ABCC3: variants seen among roughly 807,000 people sequenced by gnomAD.
ABCC3 encodes ATP binding cassette subfamily C member 3.
A neutral mutation model predicts 165.3 loss-of-function variants in ABCC3; 121 were observed. The ratio of observed to expected loss-of-function variants is 0.73; its 90% CI spans 0.63 to 0.85. ABCC3 has a LOEUF of 0.85. ABCC3 is among the 40% of genes least tolerant of loss of function. The pLI, the probability that ABCC3 is intolerant of heterozygous loss-of-function variation, is 0.00. For synonymous variants in ABCC3, 733 were observed against 810.1 expected, an observed-to-expected ratio of 0.90 and a Z score of 1.62; for missense variants, 1,869 against 1,964.1, an observed-to-expected ratio of 0.95 and a Z score of 0.92.
chr17:50,679,595 G>T, intron 25 of ABCC3: 1 of 512,286 alleles, frequency 2.0e-6, no homozygotes, highest in Non-Finnish European at 3.6e-6. Flanking sequence ...CCTTGGTTAA[G>T]TCTGCACTGT....
intron 1 of ABCC3, among the ~76,000 whole-genome samples, chr17:50,643,845 A>AG (rs1433066369): frequency 1.4e-5 from 2 of 146,256 alleles, no homozygotes; most frequent in African/African-American, 5.3e-5. Flanking sequence ...AGGAGATGCC[A>AG]TGGGGGGGGT....
chr17:50,650,399 A>C (rs1967093104), intron 1 of ABCC3, among the ~76,000 whole-genome samples: 1 of 152,158 alleles, frequency 6.6e-6, no homozygotes, highest in South Asian at 2.1e-4. Flanking sequence ...GAGCCACTGC[A>C]CCCGGTCGCT....
intron 6 of ABCC3, 117 bp from the exon 7 acceptor site, chr17:50,659,120 C>A: frequency 1.6e-6 from 2 of 1,280,818 alleles, no homozygotes; most frequent in Non-Finnish European, 2.2e-6. Flanking sequence ...GTCACAGTGC[C>A]CGAGGGAGAC....
intron 11 of ABCC3, among the ~76,000 whole-genome samples, chr17:50,666,675 T>A (rs780808885): frequency 7.2e-5 from 11 of 152,236 alleles, no homozygotes; most frequent in Non-Finnish European, 1.5e-4. Flanking sequence ...AGCTGTATCA[T>A]GGCAGGGGCC....
intron 25 of ABCC3, chr17:50,679,165 C>T (rs1170884975): frequency 6.6e-6 from 1 of 152,236 alleles, no homozygotes; most frequent in Non-Finnish European, 1.5e-5. Context: ...CATCCTGATG[C>T]CAGCTTGTAC....
intron 30 of ABCC3, among the ~76,000 whole-genome samples, 163 bp downstream of exon 30, chr17:50,687,893 C>CA (rs1261916942): frequency 6.6e-6 from 1 of 151,956 alleles, no homozygotes; most frequent in Non-Finnish European, 1.5e-5. Context: ...AGGGGCAGAC[C>CA]AGAGTGGGGT....
Position 50,668,415 on chromosome 17 carries a change from C to G in ABCC3, c.1783-15C>G. 1 of 1,611,252 alleles carries G rather than the reference C, an allele frequency of 6.2e-7. No individual in the cohort carries two copies. The highest frequency in any genetic ancestry group is 8.5e-7 in the Non-Finnish European group (1 of 1,177,608). On this transcript the variant is annotated splice_polypyrimidine_tract_variant and intron_variant, in intron 13 of 30. Transcript: ENST00000285238. ...GAAAGTACAGTCTCTAGGGCTGACT[C>G]ACATCCTCCCGTAGGCCAGTGTGTC...
At chr17:50,645,396 AAAAG>A (rs1180820834) in intron 1 of ABCC3, among the ~76,000 whole-genome samples, 13 of 150,652 alleles carry the variant, frequency 8.6e-5, no homozygotes, top group Non-Finnish European at 1.6e-4. Context: ...AAAAAAAAAA[AAAAG>A]ATGGGAGAAC....
At chr17:50,668,734 T>A (rs887853395) in intron 14 of ABCC3, 119 bp from the exon 15 acceptor site, 1 of 875,076 alleles carries the variant, frequency 1.1e-6, no homozygotes, top group Non-Finnish European at 1.9e-6. Flanking sequence ...TTCCCAAGGA[T>A]CCCCTCCCCA....
At chr17:50,673,992 C>CTT (rs1967734222) in intron 19 of ABCC3, among the ~76,000 whole-genome samples, 1 of 13,484 alleles carries the variant, frequency 7.4e-5, no homozygotes, top group Non-Finnish European at 1.3e-4. Context: ...CTCTCTCTCT[C>CTT]TCTCTCTCTC....
chr17:50,688,334 A>G (rs899560156), intron 30 of ABCC3: 1 of 152,480 alleles, frequency 6.6e-6, no homozygotes, highest in African/African-American at 2.4e-5. Context: ...TGGAGGCTTC[A>G]TGCTGAGTCC....
At chr17:50,682,096 G>A (rs189889479) in intron 26 of ABCC3, among the ~76,000 whole-genome samples, 369 of 152,192 alleles carry the variant, frequency 2.4e-3, no homozygotes, top group African/African-American at 8.5e-3. Flanking sequence ...CTCTGGCCGC[G>A]TGGTTTCTCC....
Position 50,634,927 on chromosome 17 carries a change from C to A in ABCC3, c.-10C>A. On this transcript the variant is annotated 5_prime_UTR_variant, in exon 1 of 31. Transcript: ENST00000285238. ...CGCGCTCGCCTTCCTTGCAGCCGCG[C>A]CTCGGCCCCATGGACGCCCTGTGCG... 8.0e-7 allele frequency: 1 copy of A among 1,255,588 alleles called. No homozygotes were observed. Among genetic ancestry groups the A allele is most frequent in the Non-Finnish European group, 1.0e-6 (1 of 998,624 alleles). 77.8% of individuals were successfully genotyped at this position (1,255,588 alleles called of 1,614,324 possible).
chr17:50,673,970 T>TTC (rs1449513054), intron 19 of ABCC3, among the ~76,000 whole-genome samples: 323 of 14,700 alleles, frequency 0.022, 14 homozygotes, highest in Middle Eastern at 0.056. Flanking sequence ...CTTTCTTTCT[T>TTC]TCTTTCTTTC....
intron 26 of ABCC3, among the ~76,000 whole-genome samples, chr17:50,681,386 T>A (rs1396901226): frequency 6.6e-6 from 1 of 152,130 alleles, no homozygotes; most frequent in East Asian, 1.9e-4. Context: ...AATCATCCCT[T>A]TCTGTTTCAA....
At position 50,677,810 on chromosome 17, in the gene ABCC3, T is replaced by C. The variant is rs766445651; in HGVS notation, c.3445T>C (p.Ser1149Pro). 2 of 1,614,040 alleles carry C rather than the reference T, an allele frequency of 1.2e-6. No individual in the cohort carries two copies. Among genetic ancestry groups the C allele is most frequent in the South Asian group, 2.2e-5 (2 of 91,074 alleles). The change falls in exon 24 of 31, where the codon TCC becomes CCC. Residue 1149 changes from serine to proline, a missense_variant. Coordinates refer to ENST00000285238, the MANE Select transcript of ABCC3 (RefSeq NM_003786.4). Reference sequence around the variant, plus strand: ...ATCAGTCAGCCGCTCACCTATCTACTCCCACTTTTCGGAGACAGTGACTGG... The same window carrying C: ...ATCAGTCAGCCGCTCACCTATCTACCCCCACTTTTCGGAGACAGTGACTGG... ...LESVSRSPIY[S>P]HFSETVTGAS...
intron 7 of ABCC3, among the ~76,000 whole-genome samples, chr17:50,660,413 G>A (rs1351302689): frequency 6.6e-6 from 1 of 152,158 alleles, no homozygotes; most frequent in East Asian, 1.9e-4. Flanking sequence ...TGCTCAGCCC[G>A]GAGCTTCCGG....
Position 50,663,817 on chromosome 17 carries a change from G to C in ABCC3, c.1135G>C (p.Val379Leu), listed in dbSNP as rs151185563. ...HYYHYIFVTGVKFRTGIMGVI... is the reference protein window; with the variant it reads ...HYYHYIFVTGLKFRTGIMGVI... ...TTACCACTACATCTTTGTGACTGGG[G>C]TGAAGTTTCGTACTGGGATCATGGG... The change falls in exon 9 of 31, where the codon GTG becomes CTG. Residue 379 changes from valine (V) to leucine (L), a missense_variant. Transcript: ENST00000285238. 1.2e-6 allele frequency: 2 copies of C among 1,614,082 alleles called. No homozygotes were observed. The highest frequency in any genetic ancestry group is 1.7e-6 in the Non-Finnish European group (2 of 1,180,048).
In ABCC3 at chr17:50,673,073, G is replaced by A. The variant is rs1967682524; in HGVS notation, c.2344G>A (p.Asp782Asn). ...FLLDDPLSAV[D>N]SHVAKHIFDH... The stretch of plus-strand genomic sequence containing the variant: ...GCTGGATGACCCACTGTCCGCGGTG[G>A]ACTCTCATGTGGCCAAGCACATCTT... Residue 782 changes from aspartate to asparagine, a missense_variant, in exon 18 of 31, where the codon GAC (aspartate) becomes AAC (asparagine). By Grantham distance (23) the Asp-to-Asn change is conservative (BLOSUM62 1). Transcript: ENST00000285238. 9 of 1,614,050 alleles carry A rather than the reference G, an allele frequency of 5.6e-6. No homozygotes were observed. In the South Asian group the frequency reaches 9.9e-5, roughly 18 times the overall value.
Sources: gnomAD v4.1 joint callset for allele counts (sites outside exome capture counted in the v4.1 genomes callset) on GRCh38, gnomAD v4.1.1 for gene constraint, MANE v1.5 for transcripts, NCBI Gene and HGNC (gene_info 2026-07-23, HGNC 2026-07-21) for gene names.